FIGN: variants seen among roughly 807,000 people sequenced by gnomAD.
The protein encoded by FIGN is fidgetin, microtubule severing factor, also known as fidgetin.
A neutral mutation model predicts 51.3 loss-of-function variants in FIGN; 11 were observed. The ratio of observed to expected loss-of-function variants is 0.21; its 90% CI spans 0.13 to 0.35. FIGN has a LOEUF of 0.35. Among genes scored for constraint, FIGN ranks in the 10% least tolerant of loss-of-function variants. FIGN has a pLI of 1.00. For synonymous variants in FIGN, 407 were observed against 363.2 expected, an observed-to-expected ratio of 1.12 and a Z score of -1.37; for missense variants, 857 against 943.6, an observed-to-expected ratio of 0.91 and a Z score of 1.20.
At chr2:163,668,025 C>CCCAA (rs1553498965) in intron 2 of FIGN, among the ~76,000 whole-genome samples, 1 of 144,448 alleles carries the variant, frequency 6.9e-6, no homozygotes, top group African/African-American at 2.6e-5. Context: ...CCCCCCCCCC[C>CCCAA]AAAAAACCCT....
chr2:163,731,013 A>C (rs1270115205), intron 2 of FIGN, among the ~76,000 whole-genome samples: 1 of 152,140 alleles, frequency 6.6e-6, no homozygotes, highest in Non-Finnish European at 1.5e-5. Context: ...TTCAAACCTT[A>C]AAAGCCTGCA....
chr2:163,682,310 G>T (rs1476619622), intron 2 of FIGN, among the ~76,000 whole-genome samples: 2 of 152,190 alleles, frequency 1.3e-5, no homozygotes, highest in African/African-American at 4.8e-5. Context: ...TTTGGGATAT[G>T]ATATTTGATT....
intron 2 of FIGN, among the ~76,000 whole-genome samples, chr2:163,615,466 TTTG>T (rs1219861357): frequency 2.0e-5 from 3 of 152,202 alleles, no homozygotes; most frequent in African/African-American, 7.2e-5. Context: ...AATTTATTTT[TTTG>T]TTGTTATTGT....
In FIGN at chr2:163,611,592, T is replaced by G. The variant is rs375406052; in HGVS notation, c.240A>C (p.Glu80Asp). Residue 80 changes from glutamate to aspartate, a missense_variant, in exon 3 of 3, where the codon GAA becomes GAC. Glu to Asp is a conservative substitution (Grantham distance 45). Transcript: ENST00000333129. ...TGAGTACGGGTCGGTCCACAGGACC[T>G]TCCAAAATGCCGGAATACTTCTCTG... Reference protein sequence around the residue: ...KYAEKYSGILEGPVDRPVLSN... With the variant: ...KYAEKYSGILDGPVDRPVLSN... 1.2e-5 allele frequency: 20 copies of G among 1,614,120 alleles called. No homozygotes were observed. Among genetic ancestry groups the G allele is most frequent in the African/African-American group, 2.7e-5 (2 of 74,944 alleles).
intron 2 of FIGN, among the ~76,000 whole-genome samples, chr2:163,724,953 T>C (rs1684817453): frequency 6.6e-6 from 1 of 152,180 alleles, no homozygotes; most frequent in African/African-American, 2.4e-5. Context: ...ACATAATTAA[T>C]ATTAGGGTTT....
At chr2:163,644,473 A>G (rs1315300172) in intron 2 of FIGN, among the ~76,000 whole-genome samples, 2 of 152,194 alleles carry the variant, frequency 1.3e-5, no homozygotes, top group Non-Finnish European at 2.9e-5. Flanking sequence ...ACCCTCATAC[A>G]CTGCTGGTGA....
intron 2 of FIGN, among the ~76,000 whole-genome samples, chr2:163,719,982 T>C (rs1303260892): frequency 6.6e-6 from 1 of 152,188 alleles, no homozygotes; most frequent in Non-Finnish European, 1.5e-5. Context: ...AAATCATTTT[T>C]TTTAAACCTC....
chr2:163,701,898 A>C (rs2105351054), intron 2 of FIGN, among the ~76,000 whole-genome samples: 1 of 152,284 alleles, frequency 6.6e-6, no homozygotes, highest in South Asian at 2.1e-4. Flanking sequence ...TGGTGTAAGT[A>C]CTATCAATAT....
rs773673802 is a variant in FIGN at position 163,609,823 on chromosome 2, T to C, written c.2009A>G (p.Asn670Ser). 6.8e-6 allele frequency: 11 copies of C among 1,614,128 alleles called. No individual in the cohort carries two copies. The highest frequency in any genetic ancestry group is 2.2e-5 in the East Asian group (1 of 44,862). ...AAACTCCTTGTCATTGAGACAGTAA[T>C]TGTGCTGTGAGAGCAGTTGTACTAT... ...QIIVQLLSQH[N>S]YCLNDKEFAL... The change falls in exon 3 of 3, where the codon AAT becomes AGT. Residue 670 changes from asparagine (N) to serine (S), a missense_variant. Asn to Ser is a conservative substitution (Grantham distance 46). Coordinates refer to ENST00000333129, the MANE Select transcript of FIGN (RefSeq NM_018086.4).
chr2:163,653,370 A>G (rs1398831814), intron 2 of FIGN, among the ~76,000 whole-genome samples: 2 of 152,152 alleles, frequency 1.3e-5, no homozygotes, highest in East Asian at 3.8e-4. Flanking sequence ...ATATTAAAAT[A>G]TAAGCTTGCC....
intron 2 of FIGN, among the ~76,000 whole-genome samples, chr2:163,645,478 G>A (rs769204213): frequency 6.6e-6 from 1 of 152,186 alleles, no homozygotes; most frequent in Non-Finnish European, 1.5e-5. Flanking sequence ...AAGCAGCCCA[G>A]TAAATTAGAT....
chr2:163,637,198 A>T (rs955282744), intron 2 of FIGN, among the ~76,000 whole-genome samples: 2 of 152,196 alleles, frequency 1.3e-5, no homozygotes, highest in Non-Finnish European at 2.9e-5. Context: ...TGAAAGAAGA[A>T]ATGCAACAGT....
At chr2:163,684,559 T>C (rs1684115671) in intron 2 of FIGN, among the ~76,000 whole-genome samples, 1 of 152,172 alleles carries the variant, frequency 6.6e-6, no homozygotes, top group Non-Finnish European at 1.5e-5. Context: ...AGCTTGGTTG[T>C]CTACATTCTC....
At chr2:163,724,300 G>A (rs1227305278) in intron 2 of FIGN, among the ~76,000 whole-genome samples, 1 of 152,148 alleles carries the variant, frequency 6.6e-6, no homozygotes, top group African/African-American at 2.4e-5. Flanking sequence ...GCCGGATGAT[G>A]AGCTATCTGT....
intron 2 of FIGN, among the ~76,000 whole-genome samples, chr2:163,627,400 C>T (rs1232024364): frequency 6.6e-6 from 1 of 152,036 alleles, no homozygotes; most frequent in Non-Finnish European, 1.5e-5. Context: ...GAAACAGATT[C>T]TAGTGCAGAG....
At chr2:163,625,756 C>T (rs1683045226) in intron 2 of FIGN, among the ~76,000 whole-genome samples, 1 of 151,996 alleles carries the variant, frequency 6.6e-6, no homozygotes, top group Admixed American at 6.6e-5. Flanking sequence ...CTAAATCAGT[C>T]TTATCCGAAG....
chr2:163,714,576 T>C (rs567000456), intron 2 of FIGN, among the ~76,000 whole-genome samples: 42 of 152,346 alleles, frequency 2.8e-4, no homozygotes, highest in South Asian at 6.2e-4. Flanking sequence ...TCTGATTACC[T>C]AGACCAATTA....
intron 2 of FIGN, among the ~76,000 whole-genome samples, chr2:163,703,747 T>C (rs998975295): frequency 1.1e-4 from 16 of 152,106 alleles, no homozygotes; most frequent in East Asian, 9.6e-4. Flanking sequence ...CACTGTGTTA[T>C]GGGAAAGCCA....
intron 2 of FIGN, among the ~76,000 whole-genome samples, chr2:163,671,162 G>A (rs1683869097): frequency 6.6e-6 from 1 of 152,172 alleles, no homozygotes. Flanking sequence ...AGTGCTGAAG[G>A]TGTGGCATGT....
Sources: allele counts gnomAD v4.1 joint callset (sites outside exome capture counted in the v4.1 genomes callset), GRCh38; gene constraint gnomAD v4.1.1; transcripts MANE v1.5; gene names NCBI Gene and HGNC (gene_info 2026-07-23, HGNC 2026-07-21).